Variants in PRDM15 observed in about 807,000 individuals in gnomAD.
The protein encoded by PRDM15 is PR domain zinc finger protein 15.
PRDM15 carries 64 observed loss-of-function variants against 128.6 expected under a neutral mutation model. That is an observed-to-expected ratio of 0.50 (90% confidence interval 0.41 to 0.61). The LOEUF (loss-of-function observed/expected upper bound fraction) is 0.61, where lower values mean the gene tolerates loss of function less well. Among genes scored for constraint, PRDM15 ranks in the 20% least tolerant of loss-of-function variants. The probability of loss-of-function intolerance (pLI) is 0.00; values close to 1 mark genes in which losing one functional copy is unlikely to be tolerated. For synonymous variants in PRDM15, 615 were observed against 621.8 expected (o/e 0.99, Z 0.16); for missense variants, 1,242 against 1,569.1 (o/e 0.79, Z 3.52).
intron 11 of PRDM15, among the ~76,000 whole-genome samples, chr21:41,829,566 A>C (rs912281827): frequency 0.011 from 1,612 of 145,920 alleles, 32 homozygotes; most frequent in African/African-American, 0.039. Flanking sequence ...CACATACACA[A>C]CCCACAAACA....
At chr21:41,865,430 T>G (rs1260268223) in intron 1 of PRDM15, among the ~76,000 whole-genome samples, 1 of 152,146 alleles carries the variant, frequency 6.6e-6, no homozygotes, top group Admixed American at 6.5e-5. Context: ...TGGGATATAC[T>G]TGGACCCTCC....
rs80350781 is a variant in PRDM15, at chr21:41,850,230, C to T, written c.539-3039G>A. On this transcript the variant is annotated intron_variant, in intron 5 of 23. Coordinates refer to ENST00000398548, the MANE Select transcript of PRDM15 (RefSeq NM_001040424.3). Reference sequence around the variant, plus strand: ...TTCTCAGAGCGAGACTAAAAGGGAACAGAAGCTGGTGGGGACGGGATGTCC... The same window carrying T: ...TTCTCAGAGCGAGACTAAAAGGGAATAGAAGCTGGTGGGGACGGGATGTCC... Among the ~76,000 whole-genome samples, 489 of 152,238 alleles carry T rather than the reference C, an allele frequency of 3.2e-3. 6 individuals carry two copies. Among genetic ancestry groups the T allele is most frequent in the East Asian group, 0.022 (114 of 5,176 alleles).
chr21:41,822,317 T>C (rs1020483034), intron 14 of PRDM15, among the ~76,000 whole-genome samples: 3 of 152,250 alleles, frequency 2.0e-5, no homozygotes, highest in African/African-American at 7.2e-5. Flanking sequence ...GGCCAGGCAC[T>C]GCTGGGAAGT....
chr21:41,856,487 T>C (rs117444074), intron 4 of PRDM15, among the ~76,000 whole-genome samples: 5,293 of 151,578 alleles, frequency 0.035, 137 homozygotes, highest in Middle Eastern at 0.088. Context: ...TAACAACCCA[T>C]TCCTCATTTG....
intron 6 of PRDM15, among the ~76,000 whole-genome samples, chr21:41,844,060 G>T (rs1404812795): frequency 6.6e-6 from 1 of 151,506 alleles, no homozygotes; most frequent in African/African-American, 2.4e-5. Flanking sequence ...TGTCAAATTT[G>T]ATTCTAAAAC....
chr21:41,855,976 TTCCTTCCCTCCCTCCCTCCCCTC>T, intron 4 of PRDM15, among the ~76,000 whole-genome samples: 1 of 3,958 alleles, frequency 2.5e-4, no homozygotes, highest in Non-Finnish European at 4.6e-4. Flanking sequence ...CTTCCTTCCT[TTCCTTCCCTCCCTCCCTCCCCTC>T]CCTTCCTTCC....
At chr21:41,865,234 G>A (rs1195749542) in intron 1 of PRDM15, among the ~76,000 whole-genome samples, 5 of 142,042 alleles carry the variant, frequency 3.5e-5, no homozygotes, top group East Asian at 2.1e-4. Context: ...TTAGCTTAAC[G>A]TCACTTCTTC....
chr21:41,805,278 G>A (rs2061527055), intron 21 of PRDM15, among the ~76,000 whole-genome samples: 1 of 152,200 alleles, frequency 6.6e-6, no homozygotes, highest in African/African-American at 2.4e-5. Context: ...TCATAAGAAA[G>A]ACAACGGACA....
chr21:41,805,393 C>T (rs1167584734), intron 21 of PRDM15, among the ~76,000 whole-genome samples: 1 of 152,172 alleles, frequency 6.6e-6, no homozygotes, highest in African/African-American at 2.4e-5. Flanking sequence ...TTGCAAACAT[C>T]TTTAAATTTC....
rs144911690 is a variant in PRDM15, at chr21:41,861,668, C to T, written c.-9-1296G>A. ...AATGCTGATTCCACACGCCCTCCAC[C>T]CCGCTCATCCCCAGCAGCTTGAAGG... On this transcript the variant is annotated intron_variant, in intron 1 of 23. Transcript: ENST00000398548. 3.1e-3 allele frequency: 5,076 copies of T among 1,614,124 alleles called. 12 individuals are homozygous for T. Among genetic ancestry groups the T allele is most frequent in the Middle Eastern group, 4.0e-3 (24 of 6,060 alleles).
In PRDM15 at chr21:41,854,443, T is replaced by C; in HGVS notation, c.538+123A>G. 7.9e-7 allele frequency: 1 copy of C among 1,263,150 alleles called. No homozygotes were observed. The highest frequency in any genetic ancestry group is 1.1e-6 in the Non-Finnish European group (1 of 919,480). The allele number at this position is 1,263,150 out of a possible 1,614,324, so 78.2% of individuals were successfully genotyped here. A position where few individuals can be genotyped will look rare whatever the true frequency, so the allele number is the denominator to read the frequency against. On this transcript the variant is annotated intron_variant, in intron 5 of 23. Coordinates refer to ENST00000398548, the MANE Select transcript of PRDM15 (RefSeq NM_001040424.3). This position sits in a 1 kb window ranked among gnomAD's most constrained non-coding sequence, Gnocchi z 4.6. Reference sequence around the variant, plus strand: ...ACTCTCCACTCCTCCACTCTCCGCATCCCAGCAGCTGGCCCAGCCCAACCC... The same window carrying C: ...ACTCTCCACTCCTCCACTCTCCGCACCCCAGCAGCTGGCCCAGCCCAACCC...
Position 41,821,190 on chromosome 21 carries a change from A to G in PRDM15, c.1937T>C (p.Met646Thr), listed in dbSNP as rs1457851677. ...ATAGCCCTTCTCCTTGTGCACCTCC[A>G]TGATGTGCTTCAGGTACTCCTTCCC... ...GRGKEYLKHI[M>T]EVHKEKGYGC... is the part of the protein sequence containing the mutation. Residue 646 changes from methionine (M) to threonine (T), a missense_variant, in exon 16 of 24, where the codon ATG becomes ACG. Met to Thr is a moderately conservative substitution (Grantham distance 81). This residue lies in a region of PRDM15 where 602 missense variants were observed against 788.3 expected (regional missense o/e 0.76). Transcript: ENST00000398548. This position sits in a 1 kb window ranked among gnomAD's most constrained non-coding sequence, Gnocchi z 5.4. The G allele has an allele frequency of 6.2e-7, 1 of 1,614,034 alleles. No individual in the cohort carries two copies. The highest frequency in any genetic ancestry group is 1.3e-5 in the African/African-American group (1 of 74,910).
chr21:41,879,298 G>C lies in PRDM15; in HGVS notation c.-38C>G. 2.8e-6 allele frequency: 3 copies of C among 1,083,688 alleles called. No individual in the cohort carries two copies. Among genetic ancestry groups the C allele is most frequent in the Non-Finnish European group, 3.4e-6 (3 of 882,890 alleles). The allele number at this position is 1,083,688 out of a possible 1,614,324, so 67.1% of individuals were successfully genotyped here. A position where few individuals can be genotyped will look rare whatever the true frequency, so the allele number is the denominator to read the frequency against. ...CCTTTGGAATGTGCAGAGCGGGATCGGATCCGGACTCCGGGTTGCGATCCG... is the reference window on the plus strand; with the variant it reads ...CCTTTGGAATGTGCAGAGCGGGATCCGATCCGGACTCCGGGTTGCGATCCG... On this transcript the variant is annotated 5_prime_UTR_variant, in exon 1 of 24. Coordinates refer to ENST00000398548, the MANE Select transcript of PRDM15 (RefSeq NM_001040424.3). This position sits in a 1 kb window ranked among gnomAD's most constrained non-coding sequence, Gnocchi z 5.1.
In PRDM15 at chr21:41,839,670, G is replaced by T. The variant is rs1219884642; in HGVS notation, c.824C>A (p.Ser275Tyr). ...KPRRGRKPKV[S>Y]KAEQPLVIVE... ...GATGACTAGAGGCTGCTCAGCTTTG[G>T]ACACTTTGGGTTTTCTCCCCCTTCG... Residue 275 changes from serine (S) to tyrosine (Y), a missense_variant, in exon 7 of 24, where the codon TCC becomes TAC. Around this residue, in one of 3 missense-constraint regions of PRDM15, gnomAD observed 612 missense variants for 717.0 expected, o/e 0.85. Coordinates refer to ENST00000398548, the MANE Select transcript of PRDM15 (RefSeq NM_001040424.3). 6.2e-7 allele frequency: 1 copy of T among 1,614,248 alleles called. No individual in the cohort carries two copies.
At chr21:41,804,761 A>G in intron 21 of PRDM15, 147 bp from the exon 22 acceptor site, 1 of 578,564 alleles carries the variant, frequency 1.7e-6, no homozygotes, top group South Asian at 2.1e-5. Flanking sequence ...TCCTCTGTTC[A>G]GCTCTGACTT....
Position 41,857,323 on chromosome 21 carries a change from G to A in PRDM15, c.138C>T (p.Ser46=). 1.2e-6 allele frequency: 2 copies of A among 1,613,744 alleles called. No individual in the cohort carries two copies. The highest frequency in any genetic ancestry group is 1.3e-5 in the African/African-American group (1 of 75,046). Reference sequence around the variant, plus strand: ...GTCTGATCTCCAAGTTGGGAGGAAGGGATGACCTGGAAATGGAATAAAACA... The same window carrying A: ...GTCTGATCTCCAAGTTGGGAGGAAGAGATGACCTGGAAATGGAATAAAACA... The part of the protein sequence containing the change: ...DSFVLSRARS[S]LPPNLEIRRL... The change falls in exon 4 of 24, where the codon TCC becomes TCT. Residue 46 remains serine (S), a synonymous_variant. Transcript: ENST00000398548.
chr21:41,878,941 C>T (rs2064532308), intron 1 of PRDM15: 3 of 955,940 alleles, frequency 3.1e-6, no homozygotes, highest in African/African-American at 1.8e-5. Flanking sequence ...GCGGGGGGCG[C>T]GAGGCAGGGG....
At chr21:41,873,094 C>T (rs998140411) in intron 1 of PRDM15, among the ~76,000 whole-genome samples, 1 of 152,222 alleles carries the variant, frequency 6.6e-6, no homozygotes, top group African/African-American at 2.4e-5. Context: ...TAGCACCTCT[C>T]CTCCTTGTCC....
chr21:41,836,341 A>G, intron 9 of PRDM15, 127 bp downstream of exon 9: 2 of 1,288,658 alleles, frequency 1.6e-6, no homozygotes, highest in Non-Finnish European at 2.2e-6. Context: ...ATCGCCCACA[A>G]ATGCAGCCTC....
Sources: gnomAD v4.1 joint callset for allele counts (sites outside exome capture counted in the v4.1 genomes callset) on GRCh38, gnomAD v4.1.1 for gene constraint, gnomAD v4.1.1 regional missense constraint, Gnocchi (gnomAD v3.1) non-coding constraint, MANE v1.5 for transcripts, NCBI Gene and HGNC (gene_info 2026-07-23, HGNC 2026-07-21) for gene names.